Variants in DNAH11 observed in about 807,000 individuals in gnomAD.
DNAH11 encodes the protein dynein axonemal heavy chain 11, also known as axonemal beta dynein heavy chain 11.
In DNAH11, 442 loss-of-function variants were observed where a neutral mutation model predicts 526.0. The observed-to-expected ratio is 0.84, with a 90% CI of 0.78 to 0.91. The LOEUF is 0.91. Ranked by LOEUF, DNAH11 falls within the 40% of genes least tolerant of loss-of-function variation. DNAH11 has a pLI of 0.00. For synonymous variants in DNAH11, 2,461 were observed against 1,935.9 expected, an observed-to-expected ratio of 1.27 and a Z score of -7.12; for missense variants, 6,989 against 5,448.7, an observed-to-expected ratio of 1.28 and a Z score of -8.90.
intron 35 of DNAH11, 73 bp from the exon 36 acceptor site, chr7:21,698,002 A>C: frequency 6.8e-7 from 1 of 1,466,642 alleles, no homozygotes; most frequent in Non-Finnish European, 9.2e-7. Flanking sequence ...GTACGAAATA[A>C]CCACTTGATT....
rs977202708 is a variant in DNAH11, at chr7:21,720,912, A to T, written c.7266+56A>T. On this transcript the variant is annotated intron_variant, in intron 44 of 81. Transcript: ENST00000409508. ...TTCCAGTTTTGTGTGGGACAGGGTC[A>T]TGGGGAGGTTAAAACATGTGATCTG... is the stretch of plus-strand genomic sequence containing the variant. 87 of 1,584,468 alleles carry T rather than the reference A, an allele frequency of 5.5e-5. 2 individuals carry two copies. The highest frequency in any genetic ancestry group is 2.6e-6 in the Non-Finnish European group (3 of 1,166,156).
intron 25 of DNAH11, among the ~76,000 whole-genome samples, chr7:21,633,018 C>T (rs767160596): frequency 3.3e-5 from 5 of 152,312 alleles, no homozygotes; most frequent in South Asian, 2.1e-4. Flanking sequence ...GTGAAAAGCA[C>T]GTCTCCCAAA....
rs765073742 is a variant in DNAH11, at chr7:21,786,624, G to T, written c.9598G>T (p.Val3200Phe). The T allele has an allele frequency of 6.2e-7, 1 of 1,610,100 alleles. No homozygotes were observed. Among genetic ancestry groups the T allele is most frequent in the Admixed American group, 1.7e-5 (1 of 59,946 alleles). Reference sequence around the variant, plus strand: ...CGTGTTTCTGTGTGCTTTTCTTCAGGTCAACCTCAGTGAGCTGAAAGCCTT... The same window carrying T: ...CGTGTTTCTGTGTGCTTTTCTTCAGTTCAACCTCAGTGAGCTGAAAGCCTT... ...ATAALNTLNR[V>F]NLSELKAFPN... The change falls in exon 59 of 82, where the codon GTC (valine) becomes TTC (phenylalanine). Residue 3200 changes from valine (V) to phenylalanine (F), a missense_variant and splice_region_variant. By Grantham distance (50) the Val-to-Phe change is conservative. Transcript: ENST00000409508.
intron 75 of DNAH11, among the ~76,000 whole-genome samples, chr7:21,882,059 G>C (rs886448679): frequency 3.3e-5 from 5 of 152,108 alleles, no homozygotes; most frequent in Non-Finnish European, 7.4e-5. Context: ...AACAGTTCTA[G>C]GTAGAAAAAG....
intron 2 of DNAH11, among the ~76,000 whole-genome samples, chr7:21,546,229 G>A (rs1478136056): frequency 6.6e-6 from 1 of 152,140 alleles, no homozygotes; most frequent in Non-Finnish European, 1.5e-5. Flanking sequence ...TTGAAGGGAG[G>A]TATTTTCCTG....
At chr7:21,577,355 T>C (rs1262589347) in intron 8 of DNAH11, among the ~76,000 whole-genome samples, 3 of 152,144 alleles carry the variant, frequency 2.0e-5, no homozygotes, top group Non-Finnish European at 4.4e-5. Context: ...CTGAAAATGC[T>C]CCAACTCCCA....
rs538228128 is a variant in DNAH11, at chr7:21,879,318, A to G, written c.12196-1384A>G. ...AAATATATACAAAAATTAGCCGGGC[A>G]TGGTGGTGCATGCCTGTAGTCCCAG... On this transcript the variant is annotated intron_variant, in intron 74 of 81. Coordinates refer to ENST00000409508, the MANE Select transcript of DNAH11 (RefSeq NM_001277115.2). 7.8e-4 allele frequency among the ~76,000 whole-genome samples: 119 copies of G among 152,124 alleles called. 3 individuals carry two copies. The South Asian group carries it at 0.023, about 29-fold the overall frequency.
At chr7:21,814,087 A>C (rs145410919) in intron 63 of DNAH11, among the ~76,000 whole-genome samples, 1 of 152,214 alleles carries the variant, frequency 6.6e-6, no homozygotes, top group Non-Finnish European at 1.5e-5. Context: ...TGAATGCTGT[A>C]GGCAATTGTA....
intron 59 of DNAH11, 108 bp downstream of exon 59, chr7:21,786,875 T>A: frequency 6.9e-7 from 1 of 1,442,144 alleles, no homozygotes; most frequent in Admixed American, 1.9e-5. Flanking sequence ...GAAATCATCT[T>A]CATAGTTGCT....
At chr7:21,646,590 G>A (rs1019456227) in intron 28 of DNAH11, among the ~76,000 whole-genome samples, 1 of 152,148 alleles carries the variant, frequency 6.6e-6, no homozygotes, top group Non-Finnish European at 1.5e-5. Flanking sequence ...GCTGAATAGT[G>A]CACTACATGT....
chr7:21,558,135 A>T (rs1686718863), intron 2 of DNAH11, among the ~76,000 whole-genome samples: 1 of 152,214 alleles, frequency 6.6e-6, no homozygotes, highest in Admixed American at 6.5e-5. Context: ...TTATATATAG[A>T]TTATATCAGA....
chr7:21,739,684 G>T lies in DNAH11; in HGVS notation c.7914+11G>T. 6.3e-7 allele frequency: 1 copy of T among 1,596,022 alleles called. No individual in the cohort carries two copies. ...AATCCCAGGCTACAGGTAGGGTGTT[G>T]AATACTGCTCTCAAAAACTGTAGGT... On this transcript the variant is annotated intron_variant, in intron 48 of 81. Coordinates refer to ENST00000409508, the MANE Select transcript of DNAH11 (RefSeq NM_001277115.2).
chr7:21,737,124 A>C (rs570899855), intron 46 of DNAH11, among the ~76,000 whole-genome samples: 11 of 152,342 alleles, frequency 7.2e-5, no homozygotes, highest in African/African-American at 2.4e-4. Context: ...TATGATTTCA[A>C]ACATTTGAGC....
intron 8 of DNAH11, among the ~76,000 whole-genome samples, chr7:21,579,425 G>A (rs1317096049): frequency 6.6e-6 from 1 of 152,190 alleles, no homozygotes; most frequent in East Asian, 1.9e-4. Flanking sequence ...TCATATGGGT[G>A]CCCGGTGCTG....
chr7:21,553,316 A>G lies in DNAH11; in HGVS notation c.496-5486A>G, dbSNP rs550246753. 2.1e-4 allele frequency among the ~76,000 whole-genome samples: 32 copies of G among 152,260 alleles called. No homozygotes were observed. In the South Asian group the frequency reaches 6.0e-3, roughly 29 times the overall value. On this transcript the variant is annotated intron_variant, in intron 2 of 81. Coordinates refer to ENST00000409508, the MANE Select transcript of DNAH11 (RefSeq NM_001277115.2). ...GGATGTTAGTTTCTGCTTTAGGAAC[A>G]TATAAGAGTGACCAGTTTGTTTTGG...
intron 2 of DNAH11, among the ~76,000 whole-genome samples, chr7:21,547,480 C>T (rs904892531): frequency 4.6e-5 from 7 of 152,112 alleles, no homozygotes; most frequent in Non-Finnish European, 1.0e-4. Context: ...CATGTAAGCC[C>T]CTCTCCCAGT....
intron 64 of DNAH11, among the ~76,000 whole-genome samples, chr7:21,817,069 G>A (rs907917038): frequency 1.3e-5 from 2 of 152,062 alleles, no homozygotes; most frequent in African/African-American, 2.4e-5. Flanking sequence ...GATGTTTACG[G>A]TCATATTTCT....
intron 66 of DNAH11, among the ~76,000 whole-genome samples, chr7:21,846,071 T>C (rs1374688108): frequency 2.6e-5 from 4 of 152,244 alleles, no homozygotes; most frequent in Admixed American, 2.6e-4. Flanking sequence ...GGCTTTTGTA[T>C]ATTAATCTGT....
intron 25 of DNAH11, among the ~76,000 whole-genome samples, chr7:21,623,884 G>A (rs1223067697): frequency 6.6e-6 from 1 of 151,640 alleles, no homozygotes; most frequent in Admixed American, 6.6e-5. Flanking sequence ...GTTAATGGGT[G>A]CAGCACACCA....
Sources: gnomAD v4.1 joint callset for allele counts (sites outside exome capture counted in the v4.1 genomes callset) on GRCh38, gnomAD v4.1.1 for gene constraint, MANE v1.5 for transcripts, NCBI Gene and HGNC (gene_info 2026-07-23, HGNC 2026-07-21) for gene names.